SLCO2A1: variants seen among roughly 807,000 people sequenced by gnomAD.
SLCO2A1 encodes the protein solute carrier organic anion transporter family member 2A1, also known as matrin F/G 1.
SLCO2A1 carries 60 observed loss-of-function variants against 71.7 expected under a neutral mutation model. The ratio of observed to expected loss-of-function variants is 0.84; its 90% CI spans 0.68 to 1.04. SLCO2A1 has a LOEUF of 1.04. Among genes scored for constraint, SLCO2A1 ranks in the 50% least tolerant of loss-of-function variants. The pLI, the probability that SLCO2A1 is intolerant of heterozygous loss-of-function variation, is 0.00. For synonymous variants in SLCO2A1, 308 were observed against 326.7 expected (o/e 0.94, Z 0.62); for missense variants, 745 against 813.4 (o/e 0.92, Z 1.02).
At chr3:133,996,534 C>T (rs537255046) in intron 1 of SLCO2A1, among the ~76,000 whole-genome samples, 13 of 152,308 alleles carry the variant, frequency 8.5e-5, no homozygotes, top group South Asian at 2.1e-4. Flanking sequence ...CTTAGCCTCC[C>T]GCTGAACCTC....
Position 134,023,807 on chromosome 3 carries a change from C to A in SLCO2A1, c.96+5900G>T, listed in dbSNP as rs143302754. Among the ~76,000 whole-genome samples, 25 of 152,312 alleles carry A rather than the reference C, an allele frequency of 1.6e-4. No individual in the cohort carries two copies. In the East Asian group the frequency reaches 4.8e-3, roughly 29 times the overall value. The stretch of plus-strand genomic sequence containing the variant: ...GCTTGTGCACATGGCAGGTCAGAGG[C>A]CCAGACTGTCCCCTTTCCACTAAGG... On this transcript the variant is annotated intron_variant, in intron 1 of 13. Transcript: ENST00000310926.
chr3:133,943,358 C>T (rs1215576140), intron 10 of SLCO2A1, among the ~76,000 whole-genome samples: 1 of 152,158 alleles, frequency 6.6e-6, no homozygotes, highest in East Asian at 1.9e-4. Flanking sequence ...GGCCACTGCC[C>T]TTGTCTGGTG....
At chr3:133,945,691 T>C (rs1933556685) in intron 9 of SLCO2A1, among the ~76,000 whole-genome samples, 1 of 152,200 alleles carries the variant, frequency 6.6e-6, no homozygotes, top group Admixed American at 6.5e-5. Flanking sequence ...CCTGGCTTAA[T>C]GTAGACCTTG....
intron 3 of SLCO2A1, among the ~76,000 whole-genome samples, chr3:133,956,954 C>T (rs1336519718): frequency 6.6e-6 from 1 of 152,178 alleles, no homozygotes; most frequent in East Asian, 1.9e-4. Context: ...GAACACATTT[C>T]TTTTGTGTTA....
At chr3:133,987,498 T>C (rs1655846321) in intron 1 of SLCO2A1, among the ~76,000 whole-genome samples, 1 of 151,956 alleles carries the variant, frequency 6.6e-6, no homozygotes. Flanking sequence ...ACCTATAAAC[T>C]GGAAGTCCTC....
At chr3:133,940,353 G>A (rs192931652) in intron 11 of SLCO2A1, among the ~76,000 whole-genome samples, 22 of 152,224 alleles carry the variant, frequency 1.4e-4, no homozygotes, top group Middle Eastern at 3.4e-3. Flanking sequence ...TCTTTAAATC[G>A]TTGTGGGATC....
At chr3:133,946,075 G>A (rs1180670883) in intron 9 of SLCO2A1, among the ~76,000 whole-genome samples, 4 of 152,052 alleles carry the variant, frequency 2.6e-5, no homozygotes, top group Non-Finnish European at 5.9e-5. Context: ...CCCAGTGGAC[G>A]CTGCCAAAAG....
intron 2 of SLCO2A1, among the ~76,000 whole-genome samples, chr3:133,978,471 G>C (rs79972859): frequency 2.0e-5 from 3 of 152,166 alleles, no homozygotes; most frequent in Admixed American, 1.3e-4. Context: ...CATCAAGGAA[G>C]GGGGAGGGGT....
At chr3:133,981,994 A>G (rs868103908) in intron 1 of SLCO2A1, among the ~76,000 whole-genome samples, 7 of 138,068 alleles carry the variant, frequency 5.1e-5, no homozygotes, top group African/African-American at 1.9e-4. Flanking sequence ...AAAAAAAAAA[A>G]CAAAACAAGA....
chr3:133,987,409 G>A (rs557506711), intron 1 of SLCO2A1, among the ~76,000 whole-genome samples: 70 of 151,692 alleles, frequency 4.6e-4, no homozygotes, highest in African/African-American at 1.6e-3. Flanking sequence ...ACCTCTTATC[G>A]CAACCCAGAC....
intron 1 of SLCO2A1, among the ~76,000 whole-genome samples, chr3:134,014,868 G>A (rs1935414735): frequency 6.6e-6 from 1 of 152,140 alleles, no homozygotes; most frequent in East Asian, 1.9e-4. Context: ...TACCTCTCTT[G>A]CAGGGCTGTC....
At chr3:134,006,098 C>T (rs922745005) in intron 1 of SLCO2A1, among the ~76,000 whole-genome samples, 3 of 152,148 alleles carry the variant, frequency 2.0e-5, no homozygotes, top group Non-Finnish European at 4.4e-5. Context: ...AGAGTCTTGC[C>T]TGGGCTGGAG....
intron 12 of SLCO2A1, 143 bp downstream of exon 12, chr3:133,938,286 T>C: frequency 2.7e-6 from 2 of 739,546 alleles, no homozygotes; most frequent in South Asian, 3.2e-5. Context: ...ACATGGATTT[T>C]GGCATCTGCT....
chr3:133,974,141 T>C (rs115479625), intron 2 of SLCO2A1, among the ~76,000 whole-genome samples: 48 of 152,280 alleles, frequency 3.2e-4, no homozygotes, highest in African/African-American at 1.1e-3. Context: ...CCAAACCTTT[T>C]TGGGAAAAAG....
At chr3:133,977,782 A>G (rs546379435) in intron 2 of SLCO2A1, among the ~76,000 whole-genome samples, 1 of 152,282 alleles carries the variant, frequency 6.6e-6, no homozygotes, top group African/African-American at 2.4e-5. Flanking sequence ...TACCAAAGTC[A>G]GAGGTCAACA....
intron 6 of SLCO2A1, 183 bp from the exon 7 acceptor site, chr3:133,949,154 G>C: frequency 1.7e-6 from 1 of 602,272 alleles, no homozygotes; most frequent in Non-Finnish European, 3.0e-6. Context: ...CTGCATTTCC[G>C]TGAGCCTGGT....
intron 1 of SLCO2A1, among the ~76,000 whole-genome samples, chr3:134,005,623 AG>A (rs1389043985): frequency 6.6e-6 from 1 of 151,796 alleles, no homozygotes; most frequent in Non-Finnish European, 1.5e-5. Context: ...CTGGGACTAC[AG>A]GCGCCTGCCA....
intron 1 of SLCO2A1, among the ~76,000 whole-genome samples, chr3:134,001,143 A>C (rs1054574512): frequency 4.0e-4 from 61 of 150,858 alleles, no homozygotes; most frequent in Admixed American, 2.0e-4. Flanking sequence ...TCTGAGACAG[A>C]GTCTCACTCT....
Position 134,020,930 on chromosome 3 carries a change from G to A in SLCO2A1, c.96+8777C>T, listed in dbSNP as rs1935561958. The stretch of plus-strand genomic sequence containing the variant: ...TTTATCGGCACTTTGGTTTGGTTTT[G>A]ACTTGATTTGAATTGCTTGACAGGA... On this transcript the variant is annotated intron_variant, in intron 1 of 13. Coordinates refer to ENST00000310926, the MANE Select transcript of SLCO2A1 (RefSeq NM_005630.3). Among the ~76,000 whole-genome samples, 3 of 151,624 alleles carry A rather than the reference G, an allele frequency of 2.0e-5. No individual in the cohort carries two copies. In the South Asian group the frequency reaches 6.2e-4, roughly 32 times the overall value.
Sources: allele counts gnomAD v4.1 joint callset (sites outside exome capture counted in the v4.1 genomes callset), GRCh38; gene constraint gnomAD v4.1.1; transcripts MANE v1.5; gene names NCBI Gene and HGNC (gene_info 2026-07-23, HGNC 2026-07-21).